Variants in MAST4 observed in about 807,000 individuals in gnomAD.
MAST4 encodes the protein microtubule-associated serine/threonine-protein kinase 4.
In MAST4, 89 loss-of-function variants were observed where a neutral mutation model predicts 162.7. The observed-to-expected ratio is 0.55, with a 90% CI of 0.46 to 0.65. The LOEUF (loss-of-function observed/expected upper bound fraction) is 0.65, where lower values mean the gene tolerates loss of function less well. Among genes scored for constraint, MAST4 ranks in the 30% least tolerant of loss-of-function variants. The pLI is 0.00. For missense variants in MAST4, 3,153 were observed against 3,374.0 expected, an observed-to-expected ratio of 0.93 and a Z score of 1.62; for synonymous variants, 1,479 against 1,361.1, an observed-to-expected ratio of 1.09 and a Z score of -1.91.
chr5:67,102,529 C>T lies in MAST4; in HGVS notation c.1071-7C>T, dbSNP rs1393409061. On this transcript the variant is annotated splice_polypyrimidine_tract_variant and splice_region_variant and intron_variant, in intron 8 of 28. Transcript: ENST00000403625. ...AAGTTTAAAAGGGTAATTTGCTTTG[C>T]TTGCAGCCCTGGACGTTCTCCCGCC... The T allele has an allele frequency of 1.2e-6, 2 of 1,613,602 alleles. No homozygotes were observed. The highest frequency in any genetic ancestry group is 2.2e-5 in the East Asian group (1 of 44,888).
At chr5:66,681,648 C>T (rs1325979823) in intron 1 of MAST4, among the ~76,000 whole-genome samples, 4 of 152,182 alleles carry the variant, frequency 2.6e-5, no homozygotes, top group Non-Finnish European at 5.9e-5. Context: ...GGCCCTAATT[C>T]TTTATATTTG....
intron 3 of MAST4, among the ~76,000 whole-genome samples, chr5:66,820,123 A>G (rs539447961): frequency 7.9e-5 from 12 of 152,156 alleles, no homozygotes; most frequent in African/African-American, 2.4e-4. Flanking sequence ...CTCAGCCACT[A>G]TGGGATTTTT....
intron 3 of MAST4, among the ~76,000 whole-genome samples, chr5:66,797,490 G>T (rs1055615365): frequency 5.3e-5 from 8 of 152,176 alleles, no homozygotes; most frequent in Admixed American, 2.6e-4. Flanking sequence ...GAATCAGTGT[G>T]TTCCCCAGGA....
intron 1 of MAST4, among the ~76,000 whole-genome samples, chr5:66,701,633 TG>T (rs1207453978): frequency 2.0e-5 from 3 of 152,246 alleles, no homozygotes; most frequent in Non-Finnish European, 4.4e-5. Flanking sequence ...TTCTGTTTTC[TG>T]AACTTGGTTT....
chr5:66,804,229 T>C (rs554427524), intron 3 of MAST4, among the ~76,000 whole-genome samples: 4 of 152,340 alleles, frequency 2.6e-5, no homozygotes, highest in Non-Finnish European at 4.4e-5. Flanking sequence ...TTATGGTAGC[T>C]GAACGAAGTA....
rs1275394201 is a variant in MAST4, at chr5:67,164,323, A to G, written c.5144A>G (p.His1715Arg). ...AAGCCCAAGATGACAGCTGGCTCCC[A>G]CGAATGCCTGCCAGGGAACCCAGTC... ...VLKPKMTAGS[H>R]ECLPGNPVRP... Residue 1715 changes from histidine to arginine, a missense_variant, in exon 29 of 29, where the codon CAC becomes CGC. His to Arg is a conservative substitution (Grantham distance 29). Transcript: ENST00000403625. This position sits in a 1 kb window ranked among gnomAD's most constrained non-coding sequence, Gnocchi z 5.3. The G allele has an allele frequency of 6.2e-7, 1 of 1,613,960 alleles. No individual in the cohort carries two copies. Among genetic ancestry groups the G allele is most frequent in the East Asian group, 2.2e-5 (1 of 44,888 alleles).
chr5:66,972,687 G>A (rs1747590885), intron 4 of MAST4, among the ~76,000 whole-genome samples: 1 of 152,144 alleles, frequency 6.6e-6, no homozygotes, highest in South Asian at 2.1e-4. Context: ...TAGCCTTCTA[G>A]CATGTCTTCC....
At chr5:66,882,257 G>A (rs987864785) in intron 3 of MAST4, among the ~76,000 whole-genome samples, 6 of 151,988 alleles carry the variant, frequency 3.9e-5, no homozygotes, top group Non-Finnish European at 7.4e-5. Context: ...GAGCCTCTAG[G>A]GTATGTGGAT....
chr5:66,952,526 TC>T (rs1744826031), intron 4 of MAST4, among the ~76,000 whole-genome samples: 1 of 151,388 alleles, frequency 6.6e-6, no homozygotes, highest in Non-Finnish European at 1.5e-5. Context: ...TCTGATCCCC[TC>T]CCCCGCCATT....
chr5:66,879,152 G>A (rs1761508867), intron 3 of MAST4, among the ~76,000 whole-genome samples: 1 of 152,078 alleles, frequency 6.6e-6, no homozygotes, highest in South Asian at 2.1e-4. Flanking sequence ...GGTGGCGGGT[G>A]CCTGTAGTTC....
chr5:66,606,674 C>A (rs971556223), intron 1 of MAST4, among the ~76,000 whole-genome samples: 1 of 152,092 alleles, frequency 6.6e-6, no homozygotes, highest in Non-Finnish European at 1.5e-5. Context: ...CTATAAATTT[C>A]TCTTCGTGAA....
chr5:66,776,805 T>C (rs1324559376), intron 2 of MAST4, among the ~76,000 whole-genome samples: 1 of 152,132 alleles, frequency 6.6e-6, no homozygotes, highest in Admixed American at 6.5e-5. Flanking sequence ...TACAGTGTAG[T>C]AGAACATACT....
At chr5:67,084,366 T>C (rs78418908) in intron 5 of MAST4, among the ~76,000 whole-genome samples, 2,147 of 152,312 alleles carry the variant, frequency 0.014, 32 homozygotes, top group African/African-American at 0.037. Context: ...GGATCCAGAA[T>C]TGATTTCATG....
chr5:66,721,448 C>T (rs1054463850), intron 1 of MAST4, among the ~76,000 whole-genome samples: 1 of 152,032 alleles, frequency 6.6e-6, no homozygotes, highest in African/African-American at 2.4e-5. Context: ...GTGGTCCTCA[C>T]TTGGCCTCTG....
chr5:66,954,751 A>G (rs1207751111), intron 4 of MAST4, among the ~76,000 whole-genome samples: 2 of 152,076 alleles, frequency 1.3e-5, no homozygotes, highest in Non-Finnish European at 2.9e-5. Flanking sequence ...AAATATAAAA[A>G]TTAGCTGCGT....
chr5:66,753,444 C>T (rs1298020721), intron 1 of MAST4, among the ~76,000 whole-genome samples: 10 of 151,060 alleles, frequency 6.6e-5, no homozygotes, highest in African/African-American at 1.5e-4. Flanking sequence ...ATCAAATAGA[C>T]GCAATAAAAA....
chr5:66,860,372 A>G (rs1347953025), intron 3 of MAST4, among the ~76,000 whole-genome samples: 2 of 152,188 alleles, frequency 1.3e-5, no homozygotes, highest in African/African-American at 2.4e-5. Context: ...TTGCCTTGCA[A>G]TTTTATTGAG....
intron 3 of MAST4, among the ~76,000 whole-genome samples, chr5:66,841,431 C>A (rs1758416560): frequency 6.6e-6 from 1 of 152,150 alleles, no homozygotes. Flanking sequence ...GCTGCTCTAA[C>A]AAAATGGCAT....
At position 67,104,511 on chromosome 5, in the gene MAST4, A is replaced by G; in HGVS notation, c.1292A>G (p.Gln431Arg). 1 of 1,613,916 alleles carries G rather than the reference A, an allele frequency of 6.2e-7. No homozygotes were observed. The highest frequency in any genetic ancestry group is 8.5e-7 in the Non-Finnish European group (1 of 1,179,840). Residue 431 changes from glutamine (Q) to arginine (R), a missense_variant, in exon 10 of 29, where the codon CAG becomes CGG. Gln to Arg is a conservative substitution (Grantham distance 43). This residue lies in a region of MAST4 where 360 missense variants were observed against 450.0 expected (regional missense o/e 0.80). Transcript: ENST00000403625. ...LARDCLDKSH[Q>R]GLITSRYFLE... ...CGAGATTGCTTGGATAAATCCCACC[A>G]GGGCCTCATCACCTCACGATACTTC...
Sources: allele counts gnomAD v4.1 joint callset (sites outside exome capture counted in the v4.1 genomes callset), GRCh38; gene constraint gnomAD v4.1.1; regional missense constraint gnomAD v4.1.1; non-coding constraint Gnocchi (gnomAD v3.1); transcripts MANE v1.5; gene names NCBI Gene and HGNC (gene_info 2026-07-23, HGNC 2026-07-21).